GNAI1: variants seen among roughly 807,000 people sequenced by gnomAD.
GNAI1 encodes the protein guanine nucleotide-binding protein G(i) subunit alpha-1.
GNAI1 carries 11 observed loss-of-function variants against 38.9 expected under a neutral mutation model. That is an observed-to-expected ratio of 0.28 (90% CI 0.18 to 0.47). GNAI1 has a LOEUF of 0.47. Ranked by LOEUF, GNAI1 falls within the 20% of genes least tolerant of loss-of-function variation. GNAI1 has a pLI of 0.99. For missense variants in GNAI1, 317 were observed against 436.9 expected (o/e 0.73, Z 2.45); for synonymous variants, 166 against 145.1 (o/e 1.14, Z -1.04).
intron 1 of GNAI1, among the ~76,000 whole-genome samples, chr7:80,175,607 A>C (rs1167414960): frequency 6.6e-6 from 1 of 151,378 alleles, no homozygotes; most frequent in African/African-American, 2.4e-5. Context: ...TGCATCCAGC[A>C]AGTCTGTCAA....
chr7:80,191,612 G>A (rs1788481831), intron 3 of GNAI1, among the ~76,000 whole-genome samples: 1 of 152,008 alleles, frequency 6.6e-6, no homozygotes. Context: ...GACTGGTCTC[G>A]AGCTCCTGGC....
intron 1 of GNAI1, among the ~76,000 whole-genome samples, chr7:80,152,451 AC>A (rs1458400412): frequency 2.0e-5 from 3 of 152,038 alleles, no homozygotes; most frequent in African/African-American, 7.3e-5. Context: ...AAAAGGGGAA[AC>A]TAAGTTATGC....
At chr7:80,170,522 G>C (rs1205888647) in intron 1 of GNAI1, among the ~76,000 whole-genome samples, 1 of 152,134 alleles carries the variant, frequency 6.6e-6, no homozygotes, top group Non-Finnish European at 1.5e-5. Flanking sequence ...AGTTTATAAA[G>C]AAAAGAGTTT....
chr7:80,148,938 A>T (rs1197346180), intron 1 of GNAI1, among the ~76,000 whole-genome samples: 1 of 152,116 alleles, frequency 6.6e-6, no homozygotes, highest in Admixed American at 6.5e-5. Context: ...TATTACTAAT[A>T]CTAATGTAGT....
chr7:80,198,756 C>G (rs1041001687), intron 3 of GNAI1, among the ~76,000 whole-genome samples: 1 of 152,184 alleles, frequency 6.6e-6, no homozygotes, highest in East Asian at 1.9e-4. Flanking sequence ...TCTGAACTTA[C>G]TTTGCAACTA....
intron 5 of GNAI1, among the ~76,000 whole-genome samples, chr7:80,210,410 T>C (rs1431665131): frequency 6.6e-6 from 1 of 152,168 alleles, no homozygotes; most frequent in Non-Finnish European, 1.5e-5. Flanking sequence ...TATGCAAACC[T>C]ACCCTATCTG....
chr7:80,153,343 T>C (rs1490644102), intron 1 of GNAI1, among the ~76,000 whole-genome samples: 1 of 152,240 alleles, frequency 6.6e-6, no homozygotes, highest in Non-Finnish European at 1.5e-5. Flanking sequence ...TCTTAAAAAT[T>C]AGTAAGCTGT....
In GNAI1 at chr7:80,135,196, G is replaced by A. The variant is rs764470544; in HGVS notation, c.36G>A (p.Ala12=). 1 of 1,554,336 alleles carries A rather than the reference G, an allele frequency of 6.4e-7. No homozygotes were observed. The highest frequency in any genetic ancestry group is 1.2e-5 in the South Asian group (1 of 84,170). ...GCTLSAEDKA[A]VERSKMIDRN... is the part of the protein sequence containing the mutation. ...CGCTGAGCGCCGAGGACAAGGCGGC[G>A]GTGGAGCGGAGTAAGATGATCGACC... Residue 12 remains alanine, a synonymous_variant, in exon 1 of 8, where the codon GCG becomes GCA. Transcript: ENST00000649796.
intron 1 of GNAI1, among the ~76,000 whole-genome samples, chr7:80,145,824 A>C (rs995451346): frequency 6.6e-6 from 1 of 151,738 alleles, no homozygotes; most frequent in African/African-American, 2.4e-5. Context: ...AATCCTGTAC[A>C]CCCTGGGTTG....
At chr7:80,210,918 A>C in intron 5 of GNAI1, 51 bp from the exon 6 acceptor site, 1 of 1,558,614 alleles carries the variant, frequency 6.4e-7, no homozygotes, top group Non-Finnish European at 8.8e-7. Flanking sequence ...AGAACTTCTC[A>C]GAGCTTTTTG....
intron 1 of GNAI1, among the ~76,000 whole-genome samples, chr7:80,169,932 G>A (rs1437617029): frequency 6.6e-6 from 1 of 152,062 alleles, no homozygotes; most frequent in Non-Finnish European, 1.5e-5. Context: ...CATATAATAC[G>A]ATCTTTGGAT....
At chr7:80,136,818 T>A (rs1018838524) in intron 1 of GNAI1, among the ~76,000 whole-genome samples, 2 of 152,220 alleles carry the variant, frequency 1.3e-5, no homozygotes, top group African/African-American at 4.8e-5. Flanking sequence ...TTAAAGCAAT[T>A]GAAAAATGAA....
At chr7:80,214,445 T>C (rs1439164303) in intron 7 of GNAI1, among the ~76,000 whole-genome samples, 2 of 152,204 alleles carry the variant, frequency 1.3e-5, no homozygotes, top group South Asian at 2.1e-4. Context: ...ATTGTATACC[T>C]ACGGGGATTT....
chr7:80,183,364 A>C (rs1269098182), intron 1 of GNAI1, among the ~76,000 whole-genome samples: 1 of 152,186 alleles, frequency 6.6e-6, no homozygotes, highest in African/African-American at 2.4e-5. Context: ...ATAAAGAGAA[A>C]GGATTTTAAA....
At chr7:80,155,335 T>C (rs1259445450) in intron 1 of GNAI1, among the ~76,000 whole-genome samples, 2 of 152,220 alleles carry the variant, frequency 1.3e-5, no homozygotes, top group Admixed American at 6.5e-5. Flanking sequence ...CATTCATTGA[T>C]ACATTATCAA....
chr7:80,169,009 T>C lies in GNAI1; in HGVS notation c.119-19942T>C, dbSNP rs535985812. Among the ~76,000 whole-genome samples the C allele has an allele frequency of 1.1e-4, 16 of 152,348 alleles. No homozygotes were observed. In the East Asian group the frequency reaches 1.9e-3, roughly 18 times the overall value. ...ACGCTTCATTTTGTTTCTTTAATGT[T>C]GCTTGTTCTGTCCCTTAAATGTAAC... is the stretch of plus-strand genomic sequence containing the variant. On this transcript the variant is annotated intron_variant, in intron 1 of 7. Transcript: ENST00000649796.
intron 1 of GNAI1, among the ~76,000 whole-genome samples, chr7:80,144,540 C>G (rs568037400): frequency 1.3e-5 from 2 of 152,288 alleles, no homozygotes; most frequent in South Asian, 4.1e-4. Context: ...AGACTTACAT[C>G]TTCAGTTGTA....
At chr7:80,149,388 C>A (rs1787686164) in intron 1 of GNAI1, among the ~76,000 whole-genome samples, 1 of 151,968 alleles carries the variant, frequency 6.6e-6, no homozygotes, top group Non-Finnish European at 1.5e-5. Flanking sequence ...AAGTTTTGAA[C>A]CCTTTTAAAG....
chr7:80,186,707 C>T (rs931102971), intron 1 of GNAI1, among the ~76,000 whole-genome samples: 1 of 152,132 alleles, frequency 6.6e-6, no homozygotes, highest in Non-Finnish European at 1.5e-5. Flanking sequence ...TGTGGTATCA[C>T]CATCCCTGTG....
Sources: allele counts gnomAD v4.1 joint callset (sites outside exome capture counted in the v4.1 genomes callset), GRCh38; gene constraint gnomAD v4.1.1; transcripts MANE v1.5; gene names NCBI Gene and HGNC (gene_info 2026-07-23, HGNC 2026-07-21).